ARHGAP32: variants seen among roughly 807,000 people sequenced by gnomAD.
The protein encoded by ARHGAP32 is rho GTPase-activating protein 32.
Under a neutral mutation model 186.5 loss-of-function variants are expected in ARHGAP32, and 51 were observed. That is an observed-to-expected ratio of 0.27 (90% CI 0.22 to 0.35). The LOEUF (loss-of-function observed/expected upper bound fraction) is 0.35. ARHGAP32 is among the 10% of genes least tolerant of loss of function. The probability of loss-of-function intolerance (pLI) is 1.00; values close to 1 mark genes in which losing one functional copy is unlikely to be tolerated. For synonymous variants in ARHGAP32, 950 were observed against 964.3 expected (o/e 0.99, Z 0.27); for missense variants, 2,186 against 2,623.5 (o/e 0.83, Z 3.64).
intron 5 of ARHGAP32, among the ~76,000 whole-genome samples, chr11:129,096,071 T>C (rs1378604923): frequency 6.6e-6 from 1 of 152,222 alleles, no homozygotes; most frequent in Non-Finnish European, 1.5e-5. Context: ...AGCCCTTTCC[T>C]GGAGGTAAGT....
rs181190521 is a variant in ARHGAP32, at chr11:129,166,803, T to C, written c.117-2376A>G. On this transcript the variant is annotated intron_variant, in intron 1 of 22. Transcript: ENST00000682385. ...AAACTACAAAAACACATGAAAAGAA[T>C]AAAGCACAAAAGTGGGGAAATATAA... is the stretch of plus-strand genomic sequence containing the variant. Among the ~76,000 whole-genome samples, 22 of 149,598 alleles carry C rather than the reference T, an allele frequency of 1.5e-4. No homozygotes were observed. In the East Asian group the frequency reaches 4.1e-3, roughly 28 times the overall value.
At chr11:129,112,556 T>C (rs1942254784) in intron 5 of ARHGAP32, among the ~76,000 whole-genome samples, 1 of 152,190 alleles carries the variant, frequency 6.6e-6, no homozygotes, top group South Asian at 2.1e-4. Context: ...CATGGTACAT[T>C]AAAAACTTTC....
Position 129,133,343 on chromosome 11 carries a change from A to G in ARHGAP32, c.226-8449T>C, listed in dbSNP as rs144559412. ...TCTGAAGATGAGAAAAAACACAATAATACAGGAAAAAAGTGAAATTTCTGA... is the reference window on the plus strand; with the variant it reads ...TCTGAAGATGAGAAAAAACACAATAGTACAGGAAAAAAGTGAAATTTCTGA... On this transcript the variant is annotated intron_variant, in intron 2 of 22. Transcript: ENST00000682385. Among the ~76,000 whole-genome samples, 613 of 152,336 alleles carry G rather than the reference A, an allele frequency of 4.0e-3. 5 individuals carry two copies. Among genetic ancestry groups the G allele is most frequent in the Middle Eastern group, 0.014 (4 of 294 alleles).
At chr11:129,058,520 C>A (rs1940358485) in intron 10 of ARHGAP32, among the ~76,000 whole-genome samples, 1 of 152,122 alleles carries the variant, frequency 6.6e-6, no homozygotes, top group South Asian at 2.1e-4. Context: ...GATGTATCTA[C>A]TACACAAAGT....
intron 7 of ARHGAP32, among the ~76,000 whole-genome samples, chr11:129,066,174 G>A (rs1939339): frequency 0.27 from 41,230 of 151,624 alleles, 6,098 homozygotes; most frequent in Middle Eastern, 0.4. Flanking sequence ...TGTGTTTTGC[G>A]GTCTTGTTGC....
At chr11:129,056,214 A>G (rs531918228) in intron 10 of ARHGAP32, among the ~76,000 whole-genome samples, 1 of 152,308 alleles carries the variant, frequency 6.6e-6, no homozygotes, top group East Asian at 1.9e-4. Context: ...GGGGTATTAC[A>G]TGAAACTCTG....
chr11:129,091,219 G>A (rs1370799584), intron 6 of ARHGAP32, among the ~76,000 whole-genome samples: 1 of 152,056 alleles, frequency 6.6e-6, no homozygotes, highest in Non-Finnish European at 1.5e-5. Flanking sequence ...ACTAGTATCT[G>A]TTCTATTGCT....
At chr11:129,096,030 T>A (rs975616803) in intron 5 of ARHGAP32, among the ~76,000 whole-genome samples, 12 of 152,194 alleles carry the variant, frequency 7.9e-5, no homozygotes. Flanking sequence ...ATGCAGCACC[T>A]CATTTCAACA....
intron 1 of ARHGAP32, among the ~76,000 whole-genome samples, chr11:129,219,600 C>T (rs1298815424): frequency 1.3e-5 from 2 of 152,154 alleles, no homozygotes; most frequent in Non-Finnish European, 2.9e-5. Context: ...CTCAGACTAG[C>T]TGGTCATAGT....
intron 1 of ARHGAP32, among the ~76,000 whole-genome samples, chr11:129,246,262 T>C (rs1243386801): frequency 6.6e-6 from 1 of 152,154 alleles, no homozygotes; most frequent in Non-Finnish European, 1.5e-5. Flanking sequence ...TTCTATTTCA[T>C]ACAGAGAAAC....
intron 10 of ARHGAP32, among the ~76,000 whole-genome samples, chr11:129,058,238 C>CTATATATA (rs34506002): frequency 3.6e-5 from 5 of 138,904 alleles, no homozygotes; most frequent in Non-Finnish European, 3.1e-5. Context: ...CTCTCTCTCT[C>CTATATATA]TATATATATA....
At chr11:129,062,444 A>G in intron 9 of ARHGAP32, 87 bp from the exon 10 acceptor site, 1 of 1,155,070 alleles carries the variant, frequency 8.7e-7, no homozygotes, top group Non-Finnish European at 1.3e-6. Context: ...GAACTGTATG[A>G]AAAGGTAAAG....
At chr11:129,102,290 A>G (rs1358429385) in intron 5 of ARHGAP32, among the ~76,000 whole-genome samples, 2 of 152,174 alleles carry the variant, frequency 1.3e-5, no homozygotes, top group Non-Finnish European at 2.9e-5. Context: ...GCAACCACAT[A>G]AACAAGTCTG....
intron 1 of ARHGAP32, among the ~76,000 whole-genome samples, chr11:129,258,066 T>C (rs1591723685): frequency 6.6e-6 from 1 of 152,220 alleles, no homozygotes; most frequent in African/African-American, 2.4e-5. Flanking sequence ...AGCAATGTAA[T>C]ACATTTCATG....
chr11:129,174,608 C>T (rs981139823), intron 1 of ARHGAP32, among the ~76,000 whole-genome samples: 2 of 152,228 alleles, frequency 1.3e-5, no homozygotes, highest in African/African-American at 2.4e-5. Context: ...AACAGGCAGA[C>T]TGCCTCCTCA....
intron 1 of ARHGAP32, among the ~76,000 whole-genome samples, chr11:129,173,869 T>C (rs1304182318): frequency 1.3e-5 from 2 of 152,148 alleles, no homozygotes; most frequent in Non-Finnish European, 2.9e-5. Flanking sequence ...TTCAACACTG[T>C]ACTTGAGGTC....
intron 1 of ARHGAP32, among the ~76,000 whole-genome samples, chr11:129,199,036 C>A (rs558467600): frequency 1.3e-5 from 2 of 152,106 alleles, no homozygotes; most frequent in Admixed American, 6.5e-5. Flanking sequence ...GGCATTTTGC[C>A]CCTGCCCTAG....
intron 11 of ARHGAP32, among the ~76,000 whole-genome samples, chr11:129,036,210 T>C (rs999773049): frequency 6.6e-6 from 1 of 151,492 alleles, no homozygotes; most frequent in African/African-American, 2.4e-5. Context: ...GAAAACCCGT[T>C]TCTATGAAAA....
intron 2 of ARHGAP32, among the ~76,000 whole-genome samples, chr11:129,158,637 T>C (rs1360773167): frequency 1.3e-5 from 2 of 152,116 alleles, no homozygotes; most frequent in East Asian, 1.9e-4. Context: ...CCACTGTCAA[T>C]ATTAGACAGA....
Sources: allele counts gnomAD v4.1 joint callset (sites outside exome capture counted in the v4.1 genomes callset), GRCh38; gene constraint gnomAD v4.1.1; transcripts MANE v1.5; gene names NCBI Gene and HGNC (gene_info 2026-07-23, HGNC 2026-07-21).